Variants in ST6GALNAC3 observed in about 807,000 individuals in gnomAD.
The protein encoded by ST6GALNAC3 is alpha-N-acetylgalactosaminide alpha-2,6-sialyltransferase 3.
ST6GALNAC3 carries 25 observed loss-of-function variants against 32.7 expected under a neutral mutation model. The observed-to-expected ratio is 0.76, with a 90% CI of 0.56 to 1.07. The LOEUF is 1.07. Ranked by LOEUF, ST6GALNAC3 falls within the 50% of genes least tolerant of loss-of-function variation. The pLI, the probability that ST6GALNAC3 is intolerant of heterozygous loss-of-function variation, is 0.00. For synonymous variants in ST6GALNAC3, 129 were observed against 133.1 expected (o/e 0.97, Z 0.21); for missense variants, 355 against 382.4 (o/e 0.93, Z 0.60).
At position 76,274,969 on chromosome 1, in the gene ST6GALNAC3, C is replaced by G. The variant is rs564682023; in HGVS notation, c.19-38836C>G. Among the ~76,000 whole-genome samples the G allele has an allele frequency of 2.6e-5, 4 of 152,232 alleles. No homozygotes were observed. In the South Asian group the frequency reaches 8.3e-4, roughly 32 times the overall value. ...CTCTGAGACTGCAATAAATGGAGCC[C>G]AGGGTTCTGCTTTGTGTACTGAGTG... is the stretch of plus-strand genomic sequence containing the variant. On this transcript the variant is annotated intron_variant, in intron 1 of 4. Coordinates refer to ENST00000328299, the MANE Select transcript of ST6GALNAC3 (RefSeq NM_152996.4).
chr1:76,542,120 G>A (rs550308129), intron 3 of ST6GALNAC3, among the ~76,000 whole-genome samples: 2 of 152,232 alleles, frequency 1.3e-5, no homozygotes, highest in South Asian at 4.1e-4. Flanking sequence ...AGAAAAAAAT[G>A]CCCACAGAAG....
chr1:76,409,762 GA>G (rs895517770), intron 2 of ST6GALNAC3, among the ~76,000 whole-genome samples: 13 of 152,084 alleles, frequency 8.5e-5, no homozygotes, highest in Admixed American at 7.2e-4. Flanking sequence ...CTATAGAAAG[GA>G]AAAAAATATG....
intron 3 of ST6GALNAC3, among the ~76,000 whole-genome samples, chr1:76,606,733 A>C (rs1198244344): frequency 6.6e-6 from 1 of 151,938 alleles, no homozygotes; most frequent in Non-Finnish European, 1.5e-5. Context: ...TAAAATGAAA[A>C]GAGTGAAAAA....
chr1:76,196,673 C>T, intron 1 of ST6GALNAC3, among the ~76,000 whole-genome samples: 1 of 152,064 alleles, frequency 6.6e-6, no homozygotes, highest in East Asian at 1.9e-4. Context: ...ACCATGTTGG[C>T]CAGGCTGGTC....
intron 1 of ST6GALNAC3, among the ~76,000 whole-genome samples, chr1:76,095,278 TA>T (rs1647111509): frequency 6.6e-6 from 1 of 152,296 alleles, no homozygotes; most frequent in East Asian, 1.9e-4. Flanking sequence ...ATACAAAGTA[TA>T]ACATTATACT....
intron 1 of ST6GALNAC3, among the ~76,000 whole-genome samples, chr1:76,120,719 C>T (rs1648819985): frequency 6.6e-6 from 1 of 152,208 alleles, no homozygotes; most frequent in Non-Finnish European, 1.5e-5. Context: ...GAGGTCCCAA[C>T]TCCTGCTCTT....
intron 1 of ST6GALNAC3, among the ~76,000 whole-genome samples, chr1:76,099,386 T>C (rs1337707255): frequency 2.0e-5 from 3 of 152,324 alleles, no homozygotes; most frequent in Middle Eastern, 3.4e-3. Context: ...TGAAAACGTA[T>C]GTCCACAAAA....
chr1:76,217,163 C>T lies in ST6GALNAC3; in HGVS notation c.19-96642C>T, dbSNP rs185132660. Among the ~76,000 whole-genome samples, 6 of 152,302 alleles carry T rather than the reference C, an allele frequency of 3.9e-5. No individual in the cohort carries two copies. In the East Asian group the frequency reaches 1.2e-3, roughly 29 times the overall value. On this transcript the variant is annotated intron_variant, in intron 1 of 4. Coordinates refer to ENST00000328299, the MANE Select transcript of ST6GALNAC3 (RefSeq NM_152996.4). Reference sequence around the variant, plus strand: ...GAAAAACTTAAACCTCTTTCTACTTCATTAATAATGTTCTTGACAGACAAA... The same window carrying T: ...GAAAAACTTAAACCTCTTTCTACTTTATTAATAATGTTCTTGACAGACAAA...
At chr1:76,433,838 A>C (rs1029188471) in intron 3 of ST6GALNAC3, among the ~76,000 whole-genome samples, 33 of 152,338 alleles carry the variant, frequency 2.2e-4, no homozygotes, top group Admixed American at 2.0e-3. Flanking sequence ...CCCTTTGTTC[A>C]ATATGACAAT....
rs140927759 is a variant in ST6GALNAC3 at position 76,630,631 on chromosome 1, A to G, written c.*1825A>G. ...TTGTAGGTCTTTACTAGTGCTAAGT[A>G]TTATGGTGAGCTATCATTAAAGTGT... On this transcript the variant is annotated 3_prime_UTR_variant, in exon 5 of 5. Transcript: ENST00000328299. 475 of 985,644 alleles carry G rather than the reference A, an allele frequency of 4.8e-4. 11 individuals carry two copies. In the East Asian group the frequency reaches 0.045, roughly 93 times the overall value. 61.1% of individuals were successfully genotyped at this position (985,644 alleles called of 1,614,324 possible). A position where few individuals can be genotyped will look rare whatever the true frequency, so the allele number is the denominator to read the frequency against.
intron 1 of ST6GALNAC3, among the ~76,000 whole-genome samples, chr1:76,299,030 C>T (rs1660574969): frequency 6.6e-6 from 1 of 151,994 alleles, no homozygotes; most frequent in Non-Finnish European, 1.5e-5. Flanking sequence ...GCCTGATTTG[C>T]AGAATACCAT....
In ST6GALNAC3 at chr1:76,560,736, G is replaced by A. The variant is rs573798558; in HGVS notation, c.624-66716G>A. On this transcript the variant is annotated intron_variant, in intron 3 of 4. Coordinates refer to ENST00000328299, the MANE Select transcript of ST6GALNAC3 (RefSeq NM_152996.4). ...GGAAACCCTTGCACACTGTTGGTGG[G>A]AATGTAAATTAGTACAATCACTGTG... Among the ~76,000 whole-genome samples, 3 of 152,298 alleles carry A rather than the reference G, an allele frequency of 2.0e-5. No individual in the cohort carries two copies. In the East Asian group the frequency reaches 5.8e-4, roughly 29 times the overall value.
chr1:76,077,253 A>G (rs1015053534), intron 1 of ST6GALNAC3, among the ~76,000 whole-genome samples: 4 of 146,480 alleles, frequency 2.7e-5, no homozygotes, highest in African/African-American at 4.9e-5. Flanking sequence ...GGATAAAACT[A>G]TGGACTTTTT....
chr1:76,484,103 C>T (rs1179348217), intron 3 of ST6GALNAC3, among the ~76,000 whole-genome samples: 1 of 152,096 alleles, frequency 6.6e-6, no homozygotes, highest in Non-Finnish European at 1.5e-5. Context: ...GTACCAGTAC[C>T]ATGCTGTTTT....
intron 3 of ST6GALNAC3, among the ~76,000 whole-genome samples, chr1:76,484,206 C>A (rs1217521048): frequency 6.6e-6 from 1 of 152,144 alleles, no homozygotes; most frequent in African/African-American, 2.4e-5. Context: ...GCAATGTGGG[C>A]TCTTTTTTGG....
rs1482643447 is a variant in ST6GALNAC3 at position 76,632,635 on chromosome 1, G to C, written c.*3829G>C. On this transcript the variant is annotated 3_prime_UTR_variant, in exon 5 of 5. Coordinates refer to ENST00000328299, the MANE Select transcript of ST6GALNAC3 (RefSeq NM_152996.4). ...GGTAGGAACAAGAGTCTGAATTGGGGACCTGCTGACCTTCCAAGAAGTAGA... is the reference window on the plus strand; with the variant it reads ...GGTAGGAACAAGAGTCTGAATTGGGCACCTGCTGACCTTCCAAGAAGTAGA... 1.3e-5 allele frequency: 2 copies of C among 152,108 alleles called. No individual in the cohort carries two copies. The highest frequency in any genetic ancestry group is 2.4e-5 in the African/African-American group (1 of 41,422). The allele number at this position is 152,108 out of a possible 1,614,324, so 9.4% of individuals were successfully genotyped here.
chr1:76,451,200 T>C (rs1397309092), intron 3 of ST6GALNAC3, among the ~76,000 whole-genome samples: 2 of 152,224 alleles, frequency 1.3e-5, no homozygotes, highest in Admixed American at 1.3e-4. Flanking sequence ...CTCATGCTGC[T>C]AAGAAAGACA....
intron 3 of ST6GALNAC3, among the ~76,000 whole-genome samples, chr1:76,492,692 C>T (rs1346318428): frequency 6.6e-6 from 1 of 152,086 alleles, no homozygotes; most frequent in African/African-American, 2.4e-5. Context: ...CGTACAAGCC[C>T]ACCCTGAGGG....
intron 3 of ST6GALNAC3, among the ~76,000 whole-genome samples, chr1:76,551,122 G>T (rs576634743): frequency 6.6e-6 from 1 of 152,274 alleles, no homozygotes; most frequent in African/African-American, 2.4e-5. Flanking sequence ...TAGTCATAGT[G>T]TGAGTATCAG....
Sources: allele counts gnomAD v4.1 joint callset (sites outside exome capture counted in the v4.1 genomes callset), GRCh38; gene constraint gnomAD v4.1.1; transcripts MANE v1.5; gene names NCBI Gene and HGNC (gene_info 2026-07-23, HGNC 2026-07-21).